PPP2R2B: variants seen among roughly 807,000 people sequenced by gnomAD.
PPP2R2B encodes serine/threonine-protein phosphatase 2A 55 kDa regulatory subunit B beta isoform.
In PPP2R2B, 5 loss-of-function variants were observed where a neutral mutation model predicts 46.0. The ratio of observed to expected loss-of-function variants is 0.11; its 90% CI spans 0.06 to 0.23. PPP2R2B has a LOEUF of 0.23. Ranked by LOEUF, PPP2R2B falls within the 10% of genes least tolerant of loss-of-function variation. The pLI is 1.00. For synonymous variants in PPP2R2B, 215 were observed against 206.7 expected (o/e 1.04, Z -0.34); for missense variants, 367 against 575.0 (o/e 0.64, Z 3.70).
intron 5 of PPP2R2B, among the ~76,000 whole-genome samples, chr5:146,680,412 G>A (rs200709925): frequency 1.4e-5 from 2 of 147,296 alleles, no homozygotes; most frequent in Admixed American, 6.7e-5. Context: ...GGGTGGGGAG[G>A]GAGGGATAGC....
At position 146,995,619 on chromosome 5, in the gene PPP2R2B, C is replaced by T. The variant is rs117089620; in HGVS notation, c.79+60046G>A. 7.3e-4 allele frequency among the ~76,000 whole-genome samples: 111 copies of T among 152,322 alleles called. 1 individual carries two copies. The East Asian group carries it at 0.018, about 24-fold the overall frequency. On this transcript the variant is annotated intron_variant, in intron 1 of 8. Transcript: ENST00000336640. Reference sequence around the variant, plus strand: ...TTCCCACAAGTTCAACTCCATATTTCCTGCATTGCTACTACATGCCAGGAT... The same window carrying T: ...TTCCCACAAGTTCAACTCCATATTTTCTGCATTGCTACTACATGCCAGGAT...
At chr5:146,995,733 A>G (rs991907363) in intron 1 of PPP2R2B, among the ~76,000 whole-genome samples, 2 of 152,202 alleles carry the variant, frequency 1.3e-5, no homozygotes, top group African/African-American at 2.4e-5. Flanking sequence ...GAGATAAAAC[A>G]TTCCCAAGAA....
At chr5:146,640,265 C>A (rs1015390749) in intron 6 of PPP2R2B, among the ~76,000 whole-genome samples, 2 of 152,256 alleles carry the variant, frequency 1.3e-5, no homozygotes, top group African/African-American at 4.8e-5. Context: ...CATGTTACTA[C>A]AATTTCTCCT....
intron 6 of PPP2R2B, among the ~76,000 whole-genome samples, chr5:146,645,684 TA>T (rs1775536195): frequency 6.6e-6 from 1 of 152,160 alleles, no homozygotes; most frequent in Non-Finnish European, 1.5e-5. Flanking sequence ...GGTTGACAAA[TA>T]AAATGAAGCC....
chr5:146,924,576 G>A (rs1383464071), intron 1 of PPP2R2B, among the ~76,000 whole-genome samples: 1 of 152,124 alleles, frequency 6.6e-6, no homozygotes. Flanking sequence ...CTTTTTATTA[G>A]GGCCAGCTTC....
chr5:146,958,363 A>G (rs182631855), intron 1 of PPP2R2B, among the ~76,000 whole-genome samples: 1 of 152,182 alleles, frequency 6.6e-6, no homozygotes. Flanking sequence ...AGGAAATATC[A>G]CTAGTAGATC....
At chr5:146,880,965 G>A (rs1280219619), upstream of PPP2R2B, among the ~76,000 whole-genome samples, 3 of 151,920 alleles carry the variant, frequency 2.0e-5, no homozygotes, top group Admixed American at 2.0e-4. Flanking sequence ...CCAAAACCAA[G>A]GGGAAAAAAG....
chr5:147,001,152 T>TCCC (rs2151869040), intron 1 of PPP2R2B, among the ~76,000 whole-genome samples: 1 of 152,256 alleles, frequency 6.6e-6, no homozygotes, highest in Admixed American at 6.5e-5. Context: ...AATGGACCAA[T>TCCC]CACCAGGGTG....
intron 1 of PPP2R2B, among the ~76,000 whole-genome samples, chr5:146,902,693 G>C (rs146536641): frequency 6.6e-6 from 1 of 152,280 alleles, no homozygotes; most frequent in East Asian, 1.9e-4. Context: ...CAAGCCAAAA[G>C]CCATCTGTGG....
At chr5:147,061,460 A>G (rs898563196) in intron 2 of PPP2R2B, among the ~76,000 whole-genome samples, 1 of 152,174 alleles carries the variant, frequency 6.6e-6, no homozygotes, top group Non-Finnish European at 1.5e-5. Flanking sequence ...AATTTAACTA[A>G]CTACCTACAG....
rs1055483414 is a variant in PPP2R2B, at chr5:146,893,779, T to C, written c.79+161886A>G. 2.0e-5 allele frequency among the ~76,000 whole-genome samples: 3 copies of C among 151,528 alleles called. No homozygotes were observed. The East Asian group carries it at 5.8e-4, about 29-fold the overall frequency. On this transcript the variant is annotated intron_variant, in intron 1 of 8. Transcript: ENST00000336640. ...CCTAATGCATGCGGGGCTTAAAACTTAGAAGACAGGTTGATAGGTGCAGCA... is the reference window on the plus strand; with the variant it reads ...CCTAATGCATGCGGGGCTTAAAACTCAGAAGACAGGTTGATAGGTGCAGCA...
rs961496011 is a variant in PPP2R2B, at chr5:147,033,304, C to T, written c.79+22361G>A. 2.6e-5 allele frequency among the ~76,000 whole-genome samples: 4 copies of T among 152,244 alleles called. No individual in the cohort carries two copies. In the South Asian group the frequency reaches 8.3e-4, roughly 32 times the overall value. On this transcript the variant is annotated intron_variant, in intron 1 of 8. Coordinates refer to the PPP2R2B transcript ENST00000336640. Reference sequence around the variant, plus strand: ...CCATCTATACCTCTCATTCTGTTCTCTTCCCAAAACTCATGGCCTATTTGA... The same window carrying T: ...CCATCTATACCTCTCATTCTGTTCTTTTCCCAAAACTCATGGCCTATTTGA...
chr5:146,987,818 G>A (rs1345876458), intron 1 of PPP2R2B, among the ~76,000 whole-genome samples: 1 of 151,784 alleles, frequency 6.6e-6, no homozygotes, highest in African/African-American at 2.4e-5. Context: ...TTCTCTAGCT[G>A]AAAGACATAG....
At chr5:146,979,145 G>C (rs898984783) in intron 1 of PPP2R2B, among the ~76,000 whole-genome samples, 3 of 152,052 alleles carry the variant, frequency 2.0e-5, no homozygotes, top group African/African-American at 7.2e-5. Context: ...TTCTACCTGA[G>C]TGCCTTTATA....
chr5:147,068,212 T>C (rs1308495358), intron 2 of PPP2R2B, among the ~76,000 whole-genome samples: 1 of 152,190 alleles, frequency 6.6e-6, no homozygotes, highest in Non-Finnish European at 1.5e-5. Flanking sequence ...GCGCCGTGCT[T>C]TGTGTCGATT....
chr5:147,015,128 G>A (rs917663014), intron 1 of PPP2R2B, among the ~76,000 whole-genome samples: 5 of 152,028 alleles, frequency 3.3e-5, no homozygotes, highest in Admixed American at 6.6e-5. Flanking sequence ...TTTGTTCACC[G>A]ATGTTTCCTA....
At chr5:146,805,622 T>C (rs189420876) in intron 2 of PPP2R2B, among the ~76,000 whole-genome samples, 56 of 152,258 alleles carry the variant, frequency 3.7e-4, no homozygotes, top group African/African-American at 1.3e-3. Flanking sequence ...AATTCATTGA[T>C]AGCAATGGAA....
intron 1 of PPP2R2B, among the ~76,000 whole-genome samples, chr5:147,048,906 C>T (rs1400117845): frequency 6.6e-6 from 1 of 152,030 alleles, no homozygotes; most frequent in Non-Finnish European, 1.5e-5. Context: ...ATGTATAAAA[C>T]AGAGAAAGCC....
At position 146,895,148 on chromosome 5, in the gene PPP2R2B, G is replaced by A. The variant is rs544346375; in HGVS notation, c.79+160517C>T. 3.3e-5 allele frequency among the ~76,000 whole-genome samples: 5 copies of A among 152,242 alleles called. No individual in the cohort carries two copies. In the East Asian group the frequency reaches 5.8e-4, roughly 18 times the overall value. On this transcript the variant is annotated intron_variant, in intron 1 of 8. Coordinates refer to the PPP2R2B transcript ENST00000336640. The stretch of plus-strand genomic sequence containing the variant: ...TACATTGTCCTCCTTTCAACTCCCC[G>A]AAAGCTCCATGTATGCTCCACCTGA...
Sources: gnomAD v4.1 joint callset for allele counts (sites outside exome capture counted in the v4.1 genomes callset) on GRCh38, gnomAD v4.1.1 for gene constraint, MANE v1.5 for transcripts, NCBI Gene and HGNC (gene_info 2026-07-23, HGNC 2026-07-21) for gene names.